CNBD1: variants seen among roughly 807,000 people sequenced by gnomAD.
CNBD1 encodes the protein cyclic nucleotide binding domain containing 1.
In CNBD1, 71 loss-of-function variants were observed where a neutral mutation model predicts 54.4. The ratio of observed to expected loss-of-function variants is 1.30; its 90% CI spans 1.08 to 1.59. The LOEUF is 1.59. Ranked by LOEUF, CNBD1 falls within the 40% of genes most tolerant of loss-of-function variation. CNBD1 has a pLI of 0.00. For missense variants in CNBD1, 659 were observed against 518.0 expected (o/e 1.27, Z -2.64); for synonymous variants, 182 against 170.7 (o/e 1.07, Z -0.51).
At chr8:87,048,364 A>T (rs975888846) in intron 4 of CNBD1, among the ~76,000 whole-genome samples, 14 of 152,204 alleles carry the variant, frequency 9.2e-5, no homozygotes, top group Admixed American at 9.2e-4. Context: ...CTTAAATCCA[A>T]TTTGGAGGCA....
At chr8:87,346,820 A>T (rs1040078120) in intron 8 of CNBD1, among the ~76,000 whole-genome samples, 5 of 152,224 alleles carry the variant, frequency 3.3e-5, no homozygotes, top group Non-Finnish European at 7.3e-5. Context: ...AAGCATTCAG[A>T]GTCACTAAAA....
intron 4 of CNBD1, among the ~76,000 whole-genome samples, chr8:87,025,385 A>C (rs1809618354): frequency 6.6e-6 from 1 of 152,170 alleles, no homozygotes; most frequent in Admixed American, 6.5e-5. Context: ...CTTTGGGTCC[A>C]CACAACCTTT....
chr8:86,925,307 AACTTAGTGT>A (rs1474481736), intron 3 of CNBD1, among the ~76,000 whole-genome samples: 1 of 152,156 alleles, frequency 6.6e-6, no homozygotes, highest in African/African-American at 2.4e-5. Flanking sequence ...AGATGGAGTT[AACTTAGTGT>A]ACTTAGTGTG....
chr8:87,354,521 G>A (rs946548667), intron 10 of CNBD1, among the ~76,000 whole-genome samples: 1 of 151,788 alleles, frequency 6.6e-6, no homozygotes, highest in Non-Finnish European at 1.5e-5. Flanking sequence ...TCGTCATTTA[G>A]CATTAGGTAT....
chr8:87,142,892 T>C (rs1316658485), intron 4 of CNBD1, among the ~76,000 whole-genome samples: 1 of 28,764 alleles, frequency 3.5e-5, no homozygotes, highest in Non-Finnish European at 6.2e-5. Flanking sequence ...GTGTATGCAT[T>C]CATTCAACAA....
intron 8 of CNBD1, among the ~76,000 whole-genome samples, chr8:87,330,231 CT>C (rs3055413): frequency 1.1e-3 from 140 of 130,708 alleles, no homozygotes; most frequent in East Asian, 3.3e-3. Flanking sequence ...TTCCTTCTCT[CT>C]TTTTTTTTTT....
chr8:87,122,919 G>A (rs1811919095), intron 4 of CNBD1, among the ~76,000 whole-genome samples: 1 of 151,678 alleles, frequency 6.6e-6, no homozygotes, highest in South Asian at 2.1e-4. Context: ...TGATGATGTA[G>A]CTGTGTTATG....
chr8:87,296,427 G>C (rs940736811), intron 8 of CNBD1, among the ~76,000 whole-genome samples: 4 of 152,090 alleles, frequency 2.6e-5, no homozygotes, highest in African/African-American at 7.2e-5. Flanking sequence ...AAATAGAAAA[G>C]AGGTTCTTAC....
At position 87,390,347 on chromosome 8, in the gene CNBD1, C is replaced by G. The variant is rs1190027820; in HGVS notation, c.213+36561C>G. Among the ~76,000 whole-genome samples the G allele has an allele frequency of 2.0e-5, 3 of 152,264 alleles. No individual in the cohort carries two copies. The East Asian group carries it at 5.8e-4, about 29-fold the overall frequency. ...TGGGAAAAAATTTTTGCAATCTACT[C>G]ATCTGACAAAGGGCTAATATCCAGA... is the stretch of plus-strand genomic sequence containing the variant. On this transcript the variant is annotated intron_variant, in intron 2 of 7. Coordinates refer to the CNBD1 transcript ENST00000521593.
At chr8:87,145,167 A>G (rs1200716410) in intron 4 of CNBD1, among the ~76,000 whole-genome samples, 1 of 152,184 alleles carries the variant, frequency 6.6e-6, no homozygotes, top group East Asian at 1.9e-4. Context: ...AAGAACAAAG[A>G]CAGAATGAAA....
chr8:87,119,784 T>C (rs1462060668), intron 4 of CNBD1, among the ~76,000 whole-genome samples: 1 of 152,098 alleles, frequency 6.6e-6, no homozygotes, highest in Non-Finnish European at 1.5e-5. Context: ...AGAGTTTTTA[T>C]AGTGAAGGGA....
chr8:87,172,230 A>G (rs1813104100), intron 4 of CNBD1, among the ~76,000 whole-genome samples: 1 of 152,036 alleles, frequency 6.6e-6, no homozygotes, highest in South Asian at 2.1e-4. Flanking sequence ...GTGGTCGAAG[A>G]AGATGCTTGA....
intron 9 of CNBD1, among the ~76,000 whole-genome samples, 161 bp downstream of exon 9, chr8:87,351,955 A>T (rs934111520): frequency 5.9e-5 from 9 of 152,178 alleles, no homozygotes; most frequent in Non-Finnish European, 1.2e-4. Context: ...TAGTTATAAG[A>T]TATAAGAATA....
intron 4 of CNBD1, among the ~76,000 whole-genome samples, chr8:86,986,027 T>G (rs1808598749): frequency 6.6e-6 from 1 of 151,774 alleles, no homozygotes; most frequent in South Asian, 2.1e-4. Context: ...ACCTCCTGAG[T>G]TCAAGCAATT....
chr8:87,327,167 A>T (rs1283394384), intron 8 of CNBD1, among the ~76,000 whole-genome samples: 2 of 139,318 alleles, frequency 1.4e-5, no homozygotes, highest in African/African-American at 2.7e-5. Flanking sequence ...CCGTTCTCAG[A>T]TCTCCAGCTG....
intron 1 of CNBD1, among the ~76,000 whole-genome samples, chr8:86,886,251 A>G (rs1358469943): frequency 6.6e-6 from 1 of 152,190 alleles, no homozygotes; most frequent in East Asian, 1.9e-4. Flanking sequence ...TATCAGAAAT[A>G]TTACTAGACT....
At chr8:87,149,062 G>A (rs1425507760) in intron 4 of CNBD1, among the ~76,000 whole-genome samples, 1 of 152,162 alleles carries the variant, frequency 6.6e-6, no homozygotes, top group Admixed American at 6.5e-5. Flanking sequence ...TACATGCTTT[G>A]AATCAATGGG....
At chr8:87,087,924 A>G (rs544010567) in intron 4 of CNBD1, among the ~76,000 whole-genome samples, 7 of 152,300 alleles carry the variant, frequency 4.6e-5, no homozygotes, top group Admixed American at 1.3e-4. Context: ...ATCCTAGGCA[A>G]GAACATATTT....
chr8:87,063,323 A>G (rs1810583190), intron 4 of CNBD1, among the ~76,000 whole-genome samples: 1 of 152,206 alleles, frequency 6.6e-6, no homozygotes, highest in Non-Finnish European at 1.5e-5. Context: ...GAATTGGAAC[A>G]ATATGGTCCA....
Sources: allele counts gnomAD v4.1 joint callset (sites outside exome capture counted in the v4.1 genomes callset), GRCh38; gene constraint gnomAD v4.1.1; transcripts MANE v1.5; gene names NCBI Gene and HGNC (gene_info 2026-07-23, HGNC 2026-07-21).